The following TRIO variants were observed in gnomAD, a reference collection of about 807,000 sequenced individuals.
TRIO encodes triple functional domain protein.
A neutral mutation model predicts 351.9 loss-of-function variants in TRIO; 58 were observed. The observed-to-expected ratio is 0.16, with a 90% CI of 0.13 to 0.21. The LOEUF (loss-of-function observed/expected upper bound fraction) is 0.21. Ranked by LOEUF, TRIO falls within the 10% of genes least tolerant of loss-of-function variation. The pLI is 1.00. For synonymous variants in TRIO, 1,758 were observed against 1,595.7 expected, an observed-to-expected ratio of 1.10 and a Z score of -2.42; for missense variants, 3,201 against 4,027.8, an observed-to-expected ratio of 0.79 and a Z score of 5.56.
At chr5:14,199,973 G>GTTA (rs1435453992) in intron 1 of TRIO, among the ~76,000 whole-genome samples, 2 of 152,232 alleles carry the variant, frequency 1.3e-5, no homozygotes, top group Non-Finnish European at 2.9e-5. Flanking sequence ...AAGGCCAACG[G>GTTA]TTATGATTAG....
chr5:14,227,208 A>C (rs1167985871), intron 1 of TRIO, among the ~76,000 whole-genome samples: 2 of 152,202 alleles, frequency 1.3e-5, no homozygotes, highest in African/African-American at 2.4e-5. Context: ...GATGGCCTTC[A>C]GGAAGTGCAC....
chr5:14,176,961 A>C (rs368567348), intron 1 of TRIO, among the ~76,000 whole-genome samples: 1 of 152,222 alleles, frequency 6.6e-6, no homozygotes, highest in East Asian at 1.9e-4. Flanking sequence ...TTCATTTTAG[A>C]AATGAAACAC....
At chr5:14,345,219 T>A (rs2152326084) in intron 11 of TRIO, among the ~76,000 whole-genome samples, 1 of 152,334 alleles carries the variant, frequency 6.6e-6, no homozygotes, top group South Asian at 2.1e-4. Flanking sequence ...ACAGAGAGCT[T>A]AGAAGTTATT....
Position 14,488,129 on chromosome 5 carries a change from A to T in TRIO, c.7501A>T (p.Thr2501Ser). The T allele has an allele frequency of 6.2e-7, 1 of 1,606,242 alleles. No homozygotes were observed. Among genetic ancestry groups the T allele is most frequent in the Non-Finnish European group, 8.5e-7 (1 of 1,178,528 alleles). Residue 2501 changes from threonine (T) to serine (S), a missense_variant, in exon 48 of 57, where the codon ACC (threonine) becomes TCC (serine). Around this residue, in one of 19 missense-constraint regions of TRIO, gnomAD observed 1,089 missense variants for 954.9 expected, o/e 1.14. Coordinates refer to ENST00000344204, the MANE Select transcript of TRIO (RefSeq NM_007118.4). ...ASPASRPGSF[T>S]FPGDSDSLQR... The stretch of plus-strand genomic sequence containing the variant: ...CCCCGCCAGCCGACCCGGCTCCTTC[A>T]CCTTCCCGGGGGACAGCGACTCCCT...
chr5:14,159,210 A>C (rs1239080702), intron 1 of TRIO, among the ~76,000 whole-genome samples: 4 of 152,090 alleles, frequency 2.6e-5, no homozygotes, highest in South Asian at 2.1e-4. Context: ...AATCACCTCT[A>C]TTTGAAGGAG....
chr5:14,199,824 G>T (rs1405698458), intron 1 of TRIO, among the ~76,000 whole-genome samples: 3 of 152,186 alleles, frequency 2.0e-5, no homozygotes, highest in Non-Finnish European at 4.4e-5. Context: ...CCAGACCATG[G>T]TTTCTTCAGT....
At chr5:14,248,501 C>T (rs1291425637) in intron 1 of TRIO, among the ~76,000 whole-genome samples, 2 of 152,144 alleles carry the variant, frequency 1.3e-5, no homozygotes, top group East Asian at 1.9e-4. Flanking sequence ...TAAATACACC[C>T]GGGGCCCCAG....
intron 40 of TRIO, 118 bp downstream of exon 40, chr5:14,474,215 AG>A: frequency 2.1e-6 from 2 of 937,662 alleles, no homozygotes; most frequent in Non-Finnish European, 3.2e-6. Context: ...AGCCTCCTGG[AG>A]GGAGCTGGTG....
chr5:14,375,444 C>T (rs776940839), intron 19 of TRIO, among the ~76,000 whole-genome samples: 46 of 152,190 alleles, frequency 3.0e-4, no homozygotes, highest in Non-Finnish European at 3.8e-4. Context: ...GACTGTGTTT[C>T]GTTTATTCCC....
chr5:14,152,266 T>A (rs1419451942), intron 1 of TRIO, among the ~76,000 whole-genome samples: 1 of 152,222 alleles, frequency 6.6e-6, no homozygotes, highest in Non-Finnish European at 1.5e-5. Context: ...ACCAGAGTGA[T>A]GAAAGCTGGC....
In TRIO at chr5:14,485,073, G is replaced by A; in HGVS notation, c.6662G>A (p.Ser2221Asn). Residue 2221 changes from serine to asparagine, a missense_variant, in exon 47 of 57, where the codon AGT (serine) becomes AAT (asparagine). By Grantham distance (46) the Ser-to-Asn change is conservative (BLOSUM62 1). Transcript: ENST00000344204. ...TAATGTTTTTTTTTTTTTAAGGTGA[G>A]TTGCCTTTGCCTGGAGGAAAATGTG... ...GFLFKNSIKV[S>N]CLCLEENVEN... The A allele has an allele frequency of 6.6e-7, 1 of 1,516,010 alleles. No homozygotes were observed. The highest frequency in any genetic ancestry group is 1.8e-4 in the Middle Eastern group (1 of 5,634). The allele number at this position is 1,516,010 out of a possible 1,614,324, so 93.9% of individuals were successfully genotyped here. A position where few individuals can be genotyped will look rare whatever the true frequency, so the allele number is the denominator to read the frequency against.
At chr5:14,361,118 AAC>A (rs1744113298) in intron 13 of TRIO, among the ~76,000 whole-genome samples, 1 of 152,238 alleles carries the variant, frequency 6.6e-6, no homozygotes, top group African/African-American at 2.4e-5. Flanking sequence ...TCAACTAGAA[AAC>A]ACAAACCAAC....
chr5:14,310,017 C>T (rs1373242698), intron 8 of TRIO, among the ~76,000 whole-genome samples: 4 of 152,186 alleles, frequency 2.6e-5, no homozygotes, highest in South Asian at 2.1e-4. Flanking sequence ...TAGACCTGCC[C>T]GTGTCACTCC....
chr5:14,425,738 A>G (rs1750587503), intron 34 of TRIO, among the ~76,000 whole-genome samples: 1 of 152,170 alleles, frequency 6.6e-6, no homozygotes, highest in Non-Finnish European at 1.5e-5. Context: ...TACTACCCTT[A>G]CAAAAGAGGC....
chr5:14,251,084 C>T (rs1358038127), intron 1 of TRIO, among the ~76,000 whole-genome samples: 1 of 152,144 alleles, frequency 6.6e-6, no homozygotes, highest in Non-Finnish European at 1.5e-5. Context: ...TGTGAGCCCT[C>T]AGCCACTGAG....
intron 1 of TRIO, among the ~76,000 whole-genome samples, chr5:14,242,783 T>G (rs1794203808): frequency 6.6e-6 from 1 of 152,230 alleles, no homozygotes; most frequent in Non-Finnish European, 1.5e-5. Flanking sequence ...CTCACTGTGT[T>G]GTTCAGGCTA....
At chr5:14,222,269 A>T (rs1254918916) in intron 1 of TRIO, among the ~76,000 whole-genome samples, 1 of 152,172 alleles carries the variant, frequency 6.6e-6, no homozygotes. Context: ...TAGTGTAAAC[A>T]TAATTTTTAT....
intron 1 of TRIO, among the ~76,000 whole-genome samples, chr5:14,220,529 A>G (rs895399587): frequency 6.6e-6 from 1 of 152,246 alleles, no homozygotes; most frequent in African/African-American, 2.4e-5. Flanking sequence ...GAAAGCTGAG[A>G]CAGGCCAAAA....
At chr5:14,164,521 G>T (rs1788649853) in intron 1 of TRIO, among the ~76,000 whole-genome samples, 1 of 152,178 alleles carries the variant, frequency 6.6e-6, no homozygotes, top group South Asian at 2.1e-4. Flanking sequence ...ATTTGTTCAA[G>T]AATCCGATTT....
Sources: gnomAD v4.1 joint callset for allele counts (sites outside exome capture counted in the v4.1 genomes callset) on GRCh38, gnomAD v4.1.1 for gene constraint, gnomAD v4.1.1 regional missense constraint, MANE v1.5 for transcripts, NCBI Gene and HGNC (gene_info 2026-07-23, HGNC 2026-07-21) for gene names.